Variants in VRK2 observed in about 807,000 individuals in gnomAD.
VRK2 encodes the protein serine/threonine-protein kinase VRK2.
VRK2 carries 60 observed loss-of-function variants against 57.6 expected under a neutral mutation model. The ratio of observed to expected loss-of-function variants is 1.04; its 90% CI spans 0.85 to 1.29. The LOEUF is 1.29. VRK2 is among the 50% of genes most tolerant of loss of function. The pLI is 0.00. For missense variants in VRK2, 705 were observed against 588.1 expected (o/e 1.20, Z -2.06); for synonymous variants, 231 against 199.2 (o/e 1.16, Z -1.35).
intron 11 of VRK2, among the ~76,000 whole-genome samples, chr2:58,142,855 A>G (rs966610352): frequency 1.3e-5 from 2 of 151,884 alleles, no homozygotes; most frequent in African/African-American, 4.8e-5. Context: ...TGCTTGAATC[A>G]TATATACAAT....
intron 12 of VRK2, among the ~76,000 whole-genome samples, chr2:58,155,920 TG>T (rs771060953): frequency 0.052 from 7,036 of 136,526 alleles, 592 homozygotes; most frequent in African/African-American, 0.17. Context: ...TTTTCATGTT[TG>T]TTTTTTTTTT....
chr2:57,970,396 G>T (rs1350084187), intron 1 of VRK2, among the ~76,000 whole-genome samples: 1 of 151,112 alleles, frequency 6.6e-6, no homozygotes, highest in Non-Finnish European at 1.5e-5. Flanking sequence ...AAATGTAAAA[G>T]AATTGTCTAT....
At chr2:58,106,668 G>T (rs977954540) in intron 7 of VRK2, among the ~76,000 whole-genome samples, 1 of 151,920 alleles carries the variant, frequency 6.6e-6, no homozygotes, top group Non-Finnish European at 1.5e-5. Context: ...TGAATAGATA[G>T]TTATAAGATC....
At chr2:57,908,633 TTTACTAA>T (rs770435731) in intron 1 of VRK2, among the ~76,000 whole-genome samples, 16 of 152,204 alleles carry the variant, frequency 1.1e-4, no homozygotes, top group Non-Finnish European at 1.3e-4. Context: ...ACTACCATAT[TTTACTAA>T]TTACTAAGTG....
At chr2:58,145,400 A>G (rs1044078662) in intron 11 of VRK2, among the ~76,000 whole-genome samples, 1 of 152,018 alleles carries the variant, frequency 6.6e-6, no homozygotes, top group African/African-American at 2.4e-5. Context: ...AGCTCCTTTT[A>G]TATATTCACA....
At chr2:58,088,547 T>C (rs1279078628) in intron 6 of VRK2, 101 bp downstream of exon 6, 2 of 952,212 alleles carry the variant, frequency 2.1e-6, no homozygotes, top group African/African-American at 1.6e-5. Flanking sequence ...TGAAGGATTA[T>C]TGCCCTAGAG....
At chr2:58,105,370 A>G (rs1450946591) in intron 7 of VRK2, among the ~76,000 whole-genome samples, 1 of 151,968 alleles carries the variant, frequency 6.6e-6, no homozygotes, top group East Asian at 1.9e-4. Context: ...TAACCCCATT[A>G]AAAGATGGGC....
chr2:58,157,145 T>C (rs1386232209), intron 12 of VRK2, among the ~76,000 whole-genome samples: 1 of 152,200 alleles, frequency 6.6e-6, no homozygotes, highest in African/African-American at 2.4e-5. Flanking sequence ...CCCTAAGTTA[T>C]TTCACATATT....
At chr2:58,150,311 T>G (rs1431780761) in intron 12 of VRK2, among the ~76,000 whole-genome samples, 1 of 151,472 alleles carries the variant, frequency 6.6e-6, no homozygotes. Flanking sequence ...TCATTAGATT[T>G]TTTTTCTTGG....
intron 2 of VRK2, among the ~76,000 whole-genome samples, chr2:58,075,243 T>C (rs1572962511): frequency 6.6e-6 from 1 of 152,082 alleles, no homozygotes; most frequent in South Asian, 2.1e-4. Context: ...TTTATGGCTG[T>C]GTAGTATTCC....
intron 8 of VRK2, among the ~76,000 whole-genome samples, chr2:58,123,505 A>G (rs557633570): frequency 6.6e-6 from 1 of 152,330 alleles, no homozygotes; most frequent in Non-Finnish European, 1.5e-5. Context: ...CACAGTTTGT[A>G]TAGGTAAAAC....
chr2:57,910,015 A>G (rs1669937851), intron 1 of VRK2, among the ~76,000 whole-genome samples: 1 of 152,150 alleles, frequency 6.6e-6, no homozygotes. Flanking sequence ...TATAAAAAAT[A>G]AAATCTTTTA....
At chr2:58,155,727 C>G (rs1037467304) in intron 12 of VRK2, among the ~76,000 whole-genome samples, 12 of 151,174 alleles carry the variant, frequency 7.9e-5, no homozygotes, top group Non-Finnish European at 1.6e-4. Context: ...CTCTTCACCC[C>G]ACCCTTGCCA....
intron 11 of VRK2, among the ~76,000 whole-genome samples, chr2:58,143,083 T>C (rs938644121): frequency 1.9e-4 from 29 of 151,866 alleles, no homozygotes; most frequent in Admixed American, 1.8e-3. Flanking sequence ...TTGTATAGAA[T>C]TTAACGGTTT....
At chr2:58,122,192 C>G (rs928232744) in intron 7 of VRK2, among the ~76,000 whole-genome samples, 1 of 152,174 alleles carries the variant, frequency 6.6e-6, no homozygotes, top group Non-Finnish European at 1.5e-5. Flanking sequence ...TTACCTCTTA[C>G]AGTCTCTTCA....
At chr2:58,131,727 G>C in intron 8 of VRK2, 81 bp from the exon 9 acceptor site, 1 of 1,458,494 alleles carries the variant, frequency 6.9e-7, no homozygotes, top group Non-Finnish European at 9.1e-7. Flanking sequence ...TATTTCATCA[G>C]TAGTAGTTCA....
At chr2:58,087,624 A>G (rs1259335361) in intron 5 of VRK2, among the ~76,000 whole-genome samples, 1 of 152,182 alleles carries the variant, frequency 6.6e-6, no homozygotes, top group Non-Finnish European at 1.5e-5. Context: ...AAAAGGAAGA[A>G]GTGCACTTAA....
At chr2:58,041,071 G>C in intron 3 of VRK2, 3 of 984,356 alleles carry the variant, frequency 3.0e-6, no homozygotes, top group Non-Finnish European at 2.4e-6. Context: ...GATGTTAACT[G>C]GGGGGGAAAA....
chr2:58,075,303 A>T (rs1430900497), intron 2 of VRK2, among the ~76,000 whole-genome samples: 1 of 152,104 alleles, frequency 6.6e-6, no homozygotes, highest in Non-Finnish European at 1.5e-5. Context: ...ATTGATGGAC[A>T]TCTAGGTTGA....
Sources: allele counts gnomAD v4.1 joint callset (sites outside exome capture counted in the v4.1 genomes callset), GRCh38; gene constraint gnomAD v4.1.1; transcripts MANE v1.5; gene names NCBI Gene and HGNC (gene_info 2026-07-23, HGNC 2026-07-21).